Variants in SGCZ observed in about 807,000 individuals in gnomAD.
SGCZ encodes the protein zeta-sarcoglycan.
Under a neutral mutation model 41.3 loss-of-function variants are expected in SGCZ, and 40 were observed. The ratio of observed to expected loss-of-function variants is 0.97; its 90% CI spans 0.75 to 1.26. SGCZ has a LOEUF of 1.26. Among genes scored for constraint, SGCZ ranks in the 50% most tolerant of loss-of-function variants. The probability of loss-of-function intolerance (pLI) is 0.00; values close to 1 mark genes in which losing one functional copy is unlikely to be tolerated. For synonymous variants in SGCZ, 206 were observed against 137.5 expected (o/e 1.50, Z -3.49); for missense variants, 552 against 369.8 (o/e 1.49, Z -4.04).
intron 3 of SGCZ, among the ~76,000 whole-genome samples, chr8:14,280,851 C>G (rs1380233655): frequency 6.6e-6 from 1 of 150,654 alleles, no homozygotes; most frequent in Non-Finnish European, 1.5e-5. Flanking sequence ...CACTGGCCTA[C>G]TCTCTTACAT....
At chr8:14,835,423 T>A (rs1802663320) in intron 1 of SGCZ, among the ~76,000 whole-genome samples, 1 of 152,212 alleles carries the variant, frequency 6.6e-6, no homozygotes, top group Non-Finnish European at 1.5e-5. Flanking sequence ...ATATTCCCAA[T>A]CTACACGACA....
chr8:14,482,622 T>G (rs1019060910), intron 2 of SGCZ, among the ~76,000 whole-genome samples: 1 of 152,124 alleles, frequency 6.6e-6, no homozygotes, highest in Non-Finnish European at 1.5e-5. Flanking sequence ...TAGACATTAT[T>G]TCTGGGTGTT....
chr8:14,262,230 A>C (rs903825951), intron 3 of SGCZ, among the ~76,000 whole-genome samples: 51 of 152,164 alleles, frequency 3.4e-4, no homozygotes, highest in African/African-American at 9.9e-4. Context: ...GCTAAAAAGC[A>C]AGGACCTTAC....
chr8:15,025,220 C>T (rs1028124701), intron 1 of SGCZ, among the ~76,000 whole-genome samples: 3 of 152,076 alleles, frequency 2.0e-5, no homozygotes, highest in Admixed American at 6.5e-5. Context: ...GTGAGCTTCC[C>T]GCACACACAC....
chr8:14,308,740 C>G (rs1801426209), intron 3 of SGCZ, among the ~76,000 whole-genome samples: 1 of 151,932 alleles, frequency 6.6e-6, no homozygotes, highest in Non-Finnish European at 1.5e-5. Context: ...TATCTTTGTG[C>G]CGCGGTACCA....
intron 5 of SGCZ, among the ~76,000 whole-genome samples, chr8:14,132,110 C>G (rs562021074): frequency 6.8e-4 from 103 of 152,222 alleles, no homozygotes; most frequent in African/African-American, 2.4e-3. Flanking sequence ...TCCCAGAGGT[C>G]CCTTAGCCTG....
intron 1 of SGCZ, among the ~76,000 whole-genome samples, chr8:15,026,926 A>G (rs78196290): frequency 1.5e-3 from 226 of 152,272 alleles, no homozygotes; most frequent in African/African-American, 5.4e-3. Context: ...GCAATCACCA[A>G]TTGTGCTGAT....
intron 4 of SGCZ, among the ~76,000 whole-genome samples, chr8:14,221,313 C>T (rs1393773764): frequency 6.6e-6 from 1 of 152,112 alleles, no homozygotes; most frequent in Non-Finnish European, 1.5e-5. Flanking sequence ...CTTCCTTTGC[C>T]CTTACGTATA....
At chr8:14,116,312 G>A (rs1488009536) in intron 5 of SGCZ, among the ~76,000 whole-genome samples, 5 of 152,084 alleles carry the variant, frequency 3.3e-5, no homozygotes, top group Admixed American at 2.0e-4. Context: ...TTTTAACATA[G>A]TGTCTCATGA....
intron 2 of SGCZ, among the ~76,000 whole-genome samples, chr8:14,428,383 C>T (rs1393114774): frequency 6.6e-6 from 1 of 151,982 alleles, no homozygotes; most frequent in Non-Finnish European, 1.5e-5. Context: ...GTTTGACTTA[C>T]ATTAACTTTA....
chr8:14,144,709 G>C (rs1803470485), intron 5 of SGCZ, among the ~76,000 whole-genome samples: 1 of 152,164 alleles, frequency 6.6e-6, no homozygotes, highest in Non-Finnish European at 1.5e-5. Flanking sequence ...TTGACTCTTG[G>C]ATGGCACTAT....
Position 15,093,375 on chromosome 8 carries a change from G to A in SGCZ, c.39+144210C>T, listed in dbSNP as rs541959909. On this transcript the variant is annotated intron_variant, in intron 1 of 7. Coordinates refer to ENST00000382080, the MANE Select transcript of SGCZ (RefSeq NM_139167.4). ...ACTATCTTGACACTCAAATTTAAAC[G>A]TATTCTTCTACATTACGTCCACCAT... 1.1e-4 allele frequency among the ~76,000 whole-genome samples: 17 copies of A among 152,146 alleles called. No homozygotes were observed. The East Asian group carries it at 2.1e-3, about 19-fold the overall frequency.
chr8:14,393,435 C>G (rs1287679183), intron 2 of SGCZ, among the ~76,000 whole-genome samples: 1 of 152,154 alleles, frequency 6.6e-6, no homozygotes, highest in African/African-American at 2.4e-5. Context: ...CAAAATGGCG[C>G]TGATCAACTG....
chr8:14,418,152 G>A (rs1327218375), intron 2 of SGCZ, among the ~76,000 whole-genome samples: 1 of 151,850 alleles, frequency 6.6e-6, no homozygotes, highest in Non-Finnish European at 1.5e-5. Context: ...GAAAGTTCTG[G>A]GAGAAATTTT....
intron 1 of SGCZ, among the ~76,000 whole-genome samples, chr8:15,171,611 G>T (rs565584571): frequency 6.6e-6 from 1 of 152,280 alleles, no homozygotes; most frequent in South Asian, 2.1e-4. Flanking sequence ...CAGCCATAAA[G>T]TTTATTCCTA....
At chr8:14,697,583 C>A (rs950656120) in intron 1 of SGCZ, among the ~76,000 whole-genome samples, 2 of 151,970 alleles carry the variant, frequency 1.3e-5, no homozygotes, top group African/African-American at 4.8e-5. Context: ...TAGCTCATGT[C>A]TTTCCTTTCA....
intron 1 of SGCZ, among the ~76,000 whole-genome samples, chr8:15,062,533 C>A (rs749942827): frequency 2.0e-4 from 31 of 152,142 alleles, no homozygotes; most frequent in Admixed American, 1.9e-3. Context: ...TTGAACATAT[C>A]TGTATCCATT....
At position 14,701,121 on chromosome 8, in the gene SGCZ, C is replaced by T. The variant is rs140837291; in HGVS notation, c.40-146195G>A. Among the ~76,000 whole-genome samples, 212 of 151,932 alleles carry T rather than the reference C, an allele frequency of 1.4e-3. 1 individual carries two copies. The highest frequency in any genetic ancestry group is 4.7e-3 in the African/African-American group (197 of 41,480). ...AGCATAAGCTATCCAGAACAAAATT[C>T]CTTACATGGATCTTGTTGCAAAATA... is the stretch of plus-strand genomic sequence containing the variant. On this transcript the variant is annotated intron_variant, in intron 1 of 7. Coordinates refer to ENST00000382080, the MANE Select transcript of SGCZ (RefSeq NM_139167.4).
At chr8:14,484,220 T>C (rs1356716212) in intron 2 of SGCZ, among the ~76,000 whole-genome samples, 1 of 152,170 alleles carries the variant, frequency 6.6e-6, no homozygotes, top group South Asian at 2.1e-4. Context: ...GAAATGTAAT[T>C]CTGATATTTT....
Sources: gnomAD v4.1 joint callset for allele counts (sites outside exome capture counted in the v4.1 genomes callset) on GRCh38, gnomAD v4.1.1 for gene constraint, MANE v1.5 for transcripts, NCBI Gene and HGNC (gene_info 2026-07-23, HGNC 2026-07-21) for gene names.